Variants in ATP12A observed in about 807,000 individuals in gnomAD.
The protein encoded by ATP12A is ATPase H+/K+ transporting non-gastric alpha2 subunit.
In ATP12A, 81 loss-of-function variants were observed where a neutral mutation model predicts 111.2. That is an observed-to-expected ratio of 0.73 (90% CI 0.61 to 0.88). The LOEUF is 0.88. Among genes scored for constraint, ATP12A ranks in the 40% least tolerant of loss-of-function variants. The pLI is 0.00. For synonymous variants in ATP12A, 498 were observed against 499.8 expected, an observed-to-expected ratio of 1.00 and a Z score of 0.05; for missense variants, 1,196 against 1,313.1, an observed-to-expected ratio of 0.91 and a Z score of 1.38.
At chr13:24,708,900 GGAAAGAAA>G (rs764913574) in intron 17 of ATP12A, among the ~76,000 whole-genome samples, 4,013 of 65,082 alleles carry the variant, frequency 0.062, 116 homozygotes, top group Admixed American at 0.099. Context: ...AAGAAAGAAA[GGAAAGAAA>G]GAAAGAAAGA....
chr13:24,695,482 T>G (rs537488442), intron 11 of ATP12A, among the ~76,000 whole-genome samples: 3 of 152,252 alleles, frequency 2.0e-5, no homozygotes, highest in African/African-American at 7.2e-5. Context: ...GGATCTGGAC[T>G]TGGGCTTTGC....
chr13:24,688,651 C>T (rs1417472671), intron 4 of ATP12A, 129 bp downstream of exon 4: 2 of 943,238 alleles, frequency 2.1e-6, no homozygotes, highest in Non-Finnish European at 3.0e-6. Context: ...AGCTGTAAAA[C>T]AGAAATTCTA....
intron 4 of ATP12A, among the ~76,000 whole-genome samples, chr13:24,688,990 A>G (rs1488825160): frequency 6.6e-6 from 1 of 152,096 alleles, no homozygotes; most frequent in Non-Finnish European, 1.5e-5. Flanking sequence ...AGGGCATGGG[A>G]CAGGAGCAGG....
Position 24,708,964 on chromosome 13 carries a change from G to GAAAGGAAGGAAGAAAGAAAGAAAGAAA in ATP12A, c.2494-400_2494-399insAAAGGAAGGAAGAAAGAAAGAAAGAAA, listed in dbSNP as rs1566078416. Reference sequence around the variant, plus strand: ...AAGAAAGAAAGAAAGAAAGAAAGAAGGAAAGAGAAAGAGAAATGAATGCAA... The same window carrying GAAAGGAAGGAAGAAAGAAAGAAAGAAA: ...AAGAAAGAAAGAAAGAAAGAAAGAAGAAAGGAAGGAAGAAAGAAAGAAAGAAAGAAAGAGAAAGAGAAATGAATGCAA... On this transcript the variant is annotated intron_variant, in intron 17 of 22. Coordinates refer to ENST00000381946, the MANE Select transcript of ATP12A (RefSeq NM_001676.7). Among the ~76,000 whole-genome samples the GAAAGGAAGGAAGAAAGAAAGAAAGAAA allele has an allele frequency of 1.2e-3, 135 of 114,812 alleles. 5 individuals are homozygous for GAAAGGAAGGAAGAAAGAAAGAAAGAAA. The highest frequency in any genetic ancestry group is 2.4e-3 in the African/African-American group (74 of 30,414). The allele number at this position is 114,812 out of a possible 152,430, so 75.3% of individuals were successfully genotyped here.
At position 24,680,834 on chromosome 13, in the gene ATP12A, A is replaced by C. The variant is rs546185707; in HGVS notation, c.9+82A>C. 9.9e-6 allele frequency: 14 copies of C among 1,413,300 alleles called. No individual in the cohort carries two copies. In the African/African-American group the frequency reaches 2.0e-4, roughly 20 times the overall value. 87.5% of individuals were successfully genotyped at this position (1,413,300 alleles called of 1,614,324 possible). A position where few individuals can be genotyped will look rare whatever the true frequency, so the allele number is the denominator to read the frequency against. ...GACCGGAGCAGGCTGACGGGAAGCGAGGAAAAGGCGAAGAGGAGAAACGCC... is the reference window on the plus strand; with the variant it reads ...GACCGGAGCAGGCTGACGGGAAGCGCGGAAAAGGCGAAGAGGAGAAACGCC... On this transcript the variant is annotated intron_variant, in intron 1 of 22. Coordinates refer to ENST00000381946, the MANE Select transcript of ATP12A (RefSeq NM_001676.7).
Position 24,681,571 on chromosome 13 carries a change from GA to G in ATP12A, c.22del (p.Ile8PhefsTer13), listed in dbSNP as rs1400678414. On this transcript the variant is annotated frameshift_variant, in exon 2 of 23. Coordinates refer to ENST00000381946, the MANE Select transcript of ATP12A (RefSeq NM_001676.7). LOFTEE classifies it high-confidence loss of function. The stretch of plus-strand genomic sequence containing the variant: ...TGGGCTTCTCTTTCAGAAAACCCCA[GA>G]AATTTACTCCGTGGAGCTCAGCGGA... MHQKTPEIYSVELSGTK... is the reference protein window; with the variant it reads MHQKTPXIYSVELSGTK... The G allele has an allele frequency of 2.5e-6, 4 of 1,609,724 alleles. No homozygotes were observed. In the East Asian group the frequency reaches 8.9e-5, roughly 36 times the overall value.
Position 24,694,575 on chromosome 13 carries a change from T to C in ATP12A, c.1509T>C (p.Phe503=), listed in dbSNP as rs892039393. ...TCCCTTTTAACTCTACTAATAAATT[T>C]CAGGTGAGTTTTTCCTCACAACCGG... ...AEIPFNSTNK[F]QLSIHEMDDP... Residue 503 remains phenylalanine, a synonymous_variant, in exon 11 of 23, where the codon TTT becomes TTC. Coordinates refer to ENST00000381946, the MANE Select transcript of ATP12A (RefSeq NM_001676.7). The C allele has an allele frequency of 1.2e-6, 2 of 1,612,470 alleles. No homozygotes were observed. The highest frequency in any genetic ancestry group is 2.7e-5 in the African/African-American group (2 of 74,842).
chr13:24,704,795 G>A (rs1875550878), intron 14 of ATP12A: 1 of 173,608 alleles, frequency 5.8e-6, no homozygotes, highest in East Asian at 1.8e-4. Flanking sequence ...ACTTCCTCTT[G>A]GTCACTGCCA....
At chr13:24,681,504 C>CA in intron 1 of ATP12A, 58 bp from the exon 2 acceptor site, 1 of 1,580,024 alleles carries the variant, frequency 6.3e-7, no homozygotes, top group African/African-American at 1.4e-5. Flanking sequence ...GAGGGGCGCT[C>CA]AGCACCTCTT....
At chr13:24,709,086 G>A (rs1004687932) in intron 17 of ATP12A, among the ~76,000 whole-genome samples, 3 of 152,214 alleles carry the variant, frequency 2.0e-5, no homozygotes, top group Non-Finnish European at 2.9e-5. Context: ...GGAGGGAGAG[G>A]ACGGCACAAG....
At chr13:24,683,101 C>T (rs546404729) in intron 2 of ATP12A, among the ~76,000 whole-genome samples, 120 of 152,162 alleles carry the variant, frequency 7.9e-4, no homozygotes, top group African/African-American at 1.0e-3. Flanking sequence ...GGATTACAGG[C>T]GCCCGCCATC....
rs578107820 is a variant in ATP12A, at chr13:24,689,641, T to C, written c.546+266T>C. 2.0e-5 allele frequency among the ~76,000 whole-genome samples: 3 copies of C among 152,312 alleles called. No individual in the cohort carries two copies. The South Asian group carries it at 6.2e-4, about 32-fold the overall frequency. On this transcript the variant is annotated intron_variant, in intron 5 of 22. Coordinates refer to ENST00000381946, the MANE Select transcript of ATP12A (RefSeq NM_001676.7). ...GTTTGTGGATAGTCCTTCTGGGTTC[T>C]GGAAGGGACCTGTGGAAGGTCAGGG...
chr13:24,691,081 C>A lies in ATP12A; in HGVS notation c.899C>A (p.Ala300Asp). 1 of 1,614,240 alleles carries A rather than the reference C, an allele frequency of 6.2e-7. No individual in the cohort carries two copies. The highest frequency in any genetic ancestry group is 1.3e-5 in the African/African-American group (1 of 75,062). ...SGVGNEKTPI[A>D]IEIEHFVHIV... The stretch of plus-strand genomic sequence containing the variant: ...GTTGGAAATGAGAAGACGCCCATTG[C>A]CATTGAGATCGAGCACTTTGTTCAC... The change falls in exon 8 of 23, where the codon GCC (alanine) becomes GAC (aspartate). Residue 300 changes from alanine to aspartate, a missense_variant. By Grantham distance (126) the Ala-to-Asp change is moderately radical. Around this residue, in one of 3 missense-constraint regions of ATP12A, gnomAD observed 1,126 missense variants for 1,228.5 expected, o/e 0.92. Transcript: ENST00000381946.
intron 10 of ATP12A, among the ~76,000 whole-genome samples, chr13:24,693,719 T>C (rs909732750): frequency 1.3e-5 from 2 of 152,248 alleles, no homozygotes; most frequent in Non-Finnish European, 2.9e-5. Flanking sequence ...ATATAACCAT[T>C]CTATTTGTCA....
intron 2 of ATP12A, among the ~76,000 whole-genome samples, chr13:24,682,011 ATGGTGTGTGTAGTGTG>A: frequency 1.5e-5 from 1 of 68,032 alleles, no homozygotes; most frequent in East Asian, 4.5e-4. Flanking sequence ...GTGTGTGTAT[ATGGTGTGTGTAGTGTG>A]TGGTGTGTGT....
intron 18 of ATP12A, 94 bp from the exon 19 acceptor site, chr13:24,709,589 G>C: frequency 6.3e-7 from 1 of 1,594,524 alleles, no homozygotes; most frequent in Admixed American, 1.7e-5. Flanking sequence ...GTGGGGCCTG[G>C]GTTGGGGAGG....
intron 8 of ATP12A, 85 bp downstream of exon 8, chr13:24,691,335 T>TC: frequency 6.8e-7 from 1 of 1,463,404 alleles, no homozygotes; most frequent in Non-Finnish European, 9.1e-7. Context: ...AACTGCAATC[T>TC]CCCCCAAGTC....
At chr13:24,700,568 G>A (rs1043075374) in intron 12 of ATP12A, among the ~76,000 whole-genome samples, 179 bp from the exon 13 acceptor site, 19 of 152,096 alleles carry the variant, frequency 1.2e-4, no homozygotes, top group African/African-American at 4.6e-4. Flanking sequence ...ATTATATTTG[G>A]ATGAAATATG....
chr13:24,703,254 G>A (rs908693856), intron 14 of ATP12A, among the ~76,000 whole-genome samples: 1 of 152,062 alleles, frequency 6.6e-6, no homozygotes, highest in African/African-American at 2.4e-5. Flanking sequence ...TTGTTTGTTT[G>A]TTTATTTAGA....
Sources: allele counts gnomAD v4.1 joint callset (sites outside exome capture counted in the v4.1 genomes callset), GRCh38; gene constraint gnomAD v4.1.1; regional missense constraint gnomAD v4.1.1; transcripts MANE v1.5; gene names NCBI Gene and HGNC (gene_info 2026-07-23, HGNC 2026-07-21).